Variants in KIAA1217 observed in about 807,000 individuals in gnomAD.
The protein encoded by KIAA1217 is sickle tail protein homolog.
KIAA1217 carries 88 observed loss-of-function variants against 163.9 expected under a neutral mutation model. That is an observed-to-expected ratio of 0.54 (90% CI 0.45 to 0.64). The LOEUF (loss-of-function observed/expected upper bound fraction) is 0.64, where lower values mean the gene tolerates loss of function less well. Ranked by LOEUF, KIAA1217 falls within the 30% of genes least tolerant of loss-of-function variation. KIAA1217 has a pLI of 0.00. For synonymous variants in KIAA1217, 903 were observed against 923.1 expected (o/e 0.98, Z 0.39); for missense variants, 2,372 against 2,475.0 (o/e 0.96, Z 0.88).
At chr10:24,114,628 G>T (rs1009188676) in intron 2 of KIAA1217, among the ~76,000 whole-genome samples, 2 of 152,160 alleles carry the variant, frequency 1.3e-5, no homozygotes, top group African/African-American at 4.8e-5. Flanking sequence ...GAACAGACAC[G>T]AGAAATTAAC....
intron 1 of KIAA1217, among the ~76,000 whole-genome samples, chr10:23,758,690 T>G (rs1218668518): frequency 7.1e-5 from 10 of 140,444 alleles, no homozygotes; most frequent in African/African-American, 2.7e-4. Flanking sequence ...TTCTTTCTTT[T>G]TTTTTTTTTT....
intron 1 of KIAA1217, among the ~76,000 whole-genome samples, chr10:23,778,767 G>A (rs1354798861): frequency 6.6e-6 from 1 of 152,170 alleles, no homozygotes; most frequent in Admixed American, 6.5e-5. Context: ...CATAAAGTAG[G>A]CTGGCTTCTG....
chr10:23,774,117 A>G (rs902904934), intron 1 of KIAA1217, among the ~76,000 whole-genome samples: 2 of 152,182 alleles, frequency 1.3e-5, no homozygotes, highest in Admixed American at 6.5e-5. Flanking sequence ...AGCTCTTATT[A>G]TTTTGAGATA....
At chr10:24,295,181 T>C (rs2040442791) in intron 2 of KIAA1217, among the ~76,000 whole-genome samples, 1 of 152,248 alleles carries the variant, frequency 6.6e-6, no homozygotes, top group African/African-American at 2.4e-5. Context: ...AGAGAACTTA[T>C]ATCTTAAGTC....
At chr10:24,415,234 C>T (rs144972083) in intron 3 of KIAA1217, among the ~76,000 whole-genome samples, 10,163 of 151,724 alleles carry the variant, frequency 0.067, 407 homozygotes, top group Non-Finnish European at 0.091. Flanking sequence ...CCTGCCTCAG[C>T]CTCCTGAATA....
intron 2 of KIAA1217, among the ~76,000 whole-genome samples, chr10:24,044,046 T>C (rs1450952737): frequency 6.6e-6 from 1 of 152,134 alleles, no homozygotes; most frequent in Non-Finnish European, 1.5e-5. Context: ...TGAGTTTCTC[T>C]GAGAGGAAAA....
At chr10:24,125,832 G>A (rs761049163) in intron 2 of KIAA1217, among the ~76,000 whole-genome samples, 5 of 152,000 alleles carry the variant, frequency 3.3e-5, no homozygotes, top group Non-Finnish European at 5.9e-5. Context: ...CTTCTATATT[G>A]GCAGTTATTT....
chr10:24,277,437 A>C (rs2077427444), intron 2 of KIAA1217, among the ~76,000 whole-genome samples: 1 of 152,186 alleles, frequency 6.6e-6, no homozygotes, highest in Non-Finnish European at 1.5e-5. Context: ...GAATGGGGAG[A>C]CAAGGCCACC....
At chr10:24,421,092 G>A (rs2058700051) in intron 3 of KIAA1217, among the ~76,000 whole-genome samples, 1 of 152,152 alleles carries the variant, frequency 6.6e-6, no homozygotes, top group Admixed American at 6.6e-5. Flanking sequence ...GCCACCTCAT[G>A]CCTCCTGGGT....
chr10:24,311,094 A>G (rs1308753702), intron 2 of KIAA1217, among the ~76,000 whole-genome samples: 1 of 152,206 alleles, frequency 6.6e-6, no homozygotes, highest in African/African-American at 2.4e-5. Context: ...CCTTGAAGTC[A>G]AAACTGCTGT....
At chr10:23,849,868 T>A (rs1428801971) in intron 1 of KIAA1217, among the ~76,000 whole-genome samples, 1 of 152,016 alleles carries the variant, frequency 6.6e-6, no homozygotes, top group Non-Finnish European at 1.5e-5. Flanking sequence ...CCTTCCTCTG[T>A]CCTTCTAAGA....
At position 23,874,698 on chromosome 10, in the gene KIAA1217, C is replaced by T. The variant is rs369596360; in HGVS notation, c.-320-132527C>T. Among the ~76,000 whole-genome samples, 7 of 152,006 alleles carry T rather than the reference C, an allele frequency of 4.6e-5. No homozygotes were observed. In the South Asian group the frequency reaches 1.0e-3, roughly 23 times the overall value. ...TTATCTAGGAGTGGAGTCCAAATATCGTATTTTTGATTCTAATGTTCAGCC... is the reference window on the plus strand; with the variant it reads ...TTATCTAGGAGTGGAGTCCAAATATTGTATTTTTGATTCTAATGTTCAGCC... On this transcript the variant is annotated intron_variant, in intron 1 of 18. Transcript: ENST00000376462.
chr10:24,465,948 T>C (rs1044928164), intron 5 of KIAA1217, among the ~76,000 whole-genome samples: 1 of 152,160 alleles, frequency 6.6e-6, no homozygotes, highest in Non-Finnish European at 1.5e-5. Context: ...TCAGATGTAT[T>C]TTCCAGGGTG....
At position 23,878,088 on chromosome 10, in the gene KIAA1217, G is replaced by A. The variant is rs770043535; in HGVS notation, c.-320-129137G>A. ...CCCTCTGCTTTTTTTTCTTGGCAGG[G>A]AGGCTCTAAAACAAGAAGACCGACT... On this transcript the variant is annotated intron_variant, in intron 1 of 18. Coordinates refer to the KIAA1217 transcript ENST00000376462. Among the ~76,000 whole-genome samples, 35 of 151,904 alleles carry A rather than the reference G, an allele frequency of 2.3e-4. 1 individual carries two copies. The highest frequency in any genetic ancestry group is 6.2e-4 in the South Asian group (3 of 4,824).
chr10:23,875,948 G>A (rs1247551336), intron 1 of KIAA1217, among the ~76,000 whole-genome samples: 18 of 151,264 alleles, frequency 1.2e-4, no homozygotes, highest in African/African-American at 4.1e-4. Flanking sequence ...AGGGCTTGTC[G>A]GGGGGTGGGG....
At chr10:24,382,675 C>G (rs2053463073) in intron 3 of KIAA1217, among the ~76,000 whole-genome samples, 1 of 151,806 alleles carries the variant, frequency 6.6e-6, no homozygotes, top group Non-Finnish European at 1.5e-5. Context: ...GTCCAGGGCT[C>G]CAGTTCCCAT....
intron 17 of KIAA1217, among the ~76,000 whole-genome samples, chr10:24,538,740 T>TTTTC (rs2074511847): frequency 7.0e-6 from 1 of 142,044 alleles, no homozygotes; most frequent in Non-Finnish European, 1.6e-5. Flanking sequence ...TGGTTTTTTT[T>TTTTC]TTTTTTTTTT....
intron 1 of KIAA1217, among the ~76,000 whole-genome samples, chr10:23,739,058 C>T (rs1277548926): frequency 6.6e-6 from 1 of 152,170 alleles, no homozygotes; most frequent in Non-Finnish European, 1.5e-5. Flanking sequence ...CAATGAAATA[C>T]TATTCACCTA....
intron 1 of KIAA1217, among the ~76,000 whole-genome samples, chr10:23,928,020 C>G (rs1843099965): frequency 1.3e-5 from 2 of 152,194 alleles, no homozygotes; most frequent in Admixed American, 6.5e-5. Flanking sequence ...GCATCATGGG[C>G]TGCTGGCAGG....
Sources: allele counts gnomAD v4.1 joint callset (sites outside exome capture counted in the v4.1 genomes callset), GRCh38; gene constraint gnomAD v4.1.1; transcripts MANE v1.5; gene names NCBI Gene and HGNC (gene_info 2026-07-23, HGNC 2026-07-21).